The following TNS1 variants were observed in gnomAD, a reference collection of about 807,000 sequenced individuals.
TNS1 encodes the protein tensin-1.
TNS1 carries 62 observed loss-of-function variants against 168.6 expected under a neutral mutation model. The ratio of observed to expected loss-of-function variants is 0.37; its 90% CI spans 0.30 to 0.45. The LOEUF (loss-of-function observed/expected upper bound fraction) is 0.45, where lower values mean the gene tolerates loss of function less well. TNS1 is among the 20% of genes least tolerant of loss of function. The pLI, the probability that TNS1 is intolerant of heterozygous loss-of-function variation, is 1.00. For missense variants in TNS1, 2,240 were observed against 2,339.4 expected, an observed-to-expected ratio of 0.96 and a Z score of 0.88; for synonymous variants, 934 against 933.2, an observed-to-expected ratio of 1.00 and a Z score of -0.02.
At chr2:217,900,694 T>G in intron 6 of TNS1, 182 bp from the exon 7 acceptor site, 1 of 651,068 alleles carries the variant, frequency 1.5e-6, no homozygotes, top group South Asian at 1.8e-5. Flanking sequence ...TCAACACTGA[T>G]TCCACGTGAG....
In TNS1 at chr2:217,814,900, C is replaced by G; in HGVS notation, c.4729+12G>C. ...CTATGGCCTCTGATGCACCACAGAGCCCAGCACTCACCCTGCTCCCTGGAG... is the reference window on the plus strand; with the variant it reads ...CTATGGCCTCTGATGCACCACAGAGGCCAGCACTCACCCTGCTCCCTGGAG... On this transcript the variant is annotated intron_variant, in intron 25 of 32. Coordinates refer to ENST00000682258, the MANE Select transcript of TNS1 (RefSeq NM_001387777.1). The G allele has an allele frequency of 6.2e-7, 1 of 1,608,034 alleles. No individual in the cohort carries two copies. Among genetic ancestry groups the G allele is most frequent in the Non-Finnish European group, 8.5e-7 (1 of 1,175,880 alleles).
At chr2:217,815,652 G>A (rs956130509) in intron 24 of TNS1, among the ~76,000 whole-genome samples, 6 of 152,088 alleles carry the variant, frequency 3.9e-5, no homozygotes, top group South Asian at 2.1e-4. Flanking sequence ...CCTCCACCCC[G>A]TGTCCCCCTT....
Position 218,024,670 on chromosome 2 carries a change from A to G in TNS1, c.156+9150T>C, listed in dbSNP as rs541493616. On this transcript the variant is annotated intron_variant, in intron 1 of 1. Coordinates refer to the TNS1 transcript ENST00000649572. ...ACATCAGCCAGCCCAGGCCAGCCCC[A>G]GAGGACACCCAAGGTTATTGTCAGG... Among the ~76,000 whole-genome samples the G allele has an allele frequency of 4.7e-4, 72 of 152,276 alleles. 2 individuals carry two copies. In the South Asian group the frequency reaches 0.014, roughly 30 times the overall value.
intron 1 of TNS1, among the ~76,000 whole-genome samples, chr2:217,991,803 C>A (rs1248605011): frequency 6.6e-6 from 1 of 151,846 alleles, no homozygotes; most frequent in African/African-American, 2.4e-5. Flanking sequence ...CCTGCCCCAG[C>A]CCGGAAGGCT....
intron 3 of TNS1, among the ~76,000 whole-genome samples, chr2:217,958,510 T>A (rs1055480145): frequency 1.3e-5 from 2 of 152,220 alleles, no homozygotes; most frequent in African/African-American, 2.4e-5. Flanking sequence ...TAAATGATGA[T>A]GACAGTGGCT....
rs1958592520 is a variant in TNS1, at chr2:218,002,856, AG to A, written c.16del (p.Leu6CysfsTer20). The A allele has an allele frequency of 2.2e-6, 1 of 456,804 alleles. No homozygotes were observed. Among genetic ancestry groups the A allele is most frequent in the Non-Finnish European group, 4.4e-6 (1 of 226,994 alleles). 28.3% of individuals were successfully genotyped at this position (456,804 alleles called of 1,614,324 possible). Reference sequence around the variant, plus strand: ...CAGACCTACCCAGAGCATGCAGGACAGACAGATCCACGTCATCTTTGCTGGG... The same window carrying A: ...CAGACCTACCCAGAGCATGCAGGACAACAGATCCACGTCATCTTTGCTGGG... MTWIC[L>X]SCMLWPEDLE... is the part of the protein sequence containing the mutation. On this transcript the variant is annotated frameshift_variant, in exon 1 of 33. Coordinates refer to ENST00000682258, the MANE Select transcript of TNS1 (RefSeq NM_001387777.1). LOFTEE classifies it high-confidence loss of function.
chr2:218,002,514 G>A (rs1263285230), intron 1 of TNS1, among the ~76,000 whole-genome samples: 1 of 150,094 alleles, frequency 6.7e-6, no homozygotes, highest in African/African-American at 2.4e-5. Flanking sequence ...GATGCAAGTC[G>A]GGAGGAAAGG....
chr2:217,902,011 G>C (rs1356874958), intron 6 of TNS1: 1 of 152,294 alleles, frequency 6.6e-6, no homozygotes, highest in Non-Finnish European at 1.5e-5. Flanking sequence ...GGGGCTACTG[G>C]GGGGAAGTTT....
chr2:217,937,751 G>A (rs778613798), intron 3 of TNS1, among the ~76,000 whole-genome samples: 3 of 152,090 alleles, frequency 2.0e-5, no homozygotes, highest in African/African-American at 4.8e-5. Flanking sequence ...GAGGCCCAGC[G>A]AGAGAAGGGA....
rs574963226 is a variant in TNS1, at chr2:217,804,117, G to A, written c.*342C>T. ...CCCAAAAAATGTGGATTCCCAAGGA[G>A]GTTTGTTCCTTCTCTTTTGAGGACA... On this transcript the variant is annotated 3_prime_UTR_variant, in exon 33 of 33. Transcript: ENST00000682258. 1.0e-5 allele frequency: 2 copies of A among 200,678 alleles called. No homozygotes were observed. Among genetic ancestry groups the A allele is most frequent in the Admixed American group, 5.5e-5 (1 of 18,068 alleles). 12.4% of individuals were successfully genotyped at this position (200,678 alleles called of 1,614,324 possible). A position where few individuals can be genotyped will look rare whatever the true frequency, so the allele number is the denominator to read the frequency against.
At chr2:217,870,973 C>T (rs1179833640) in intron 18 of TNS1, among the ~76,000 whole-genome samples, 1 of 152,224 alleles carries the variant, frequency 6.6e-6, no homozygotes, top group Non-Finnish European at 1.5e-5. Context: ...GCCAGTGAGT[C>T]AGGAGAGGAC....
intron 1 of TNS1, among the ~76,000 whole-genome samples, chr2:217,998,355 C>T (rs534284524): frequency 3.3e-5 from 5 of 152,222 alleles, no homozygotes; most frequent in East Asian, 1.9e-4. Flanking sequence ...TGCACTGAAA[C>T]GAAATCATGT....
intron 19 of TNS1, among the ~76,000 whole-genome samples, chr2:217,847,273 GTAAATTT>G (rs1253929766): frequency 3.9e-5 from 6 of 152,238 alleles, no homozygotes; most frequent in Non-Finnish European, 8.8e-5. Context: ...TCACTAGACT[GTAAATTT>G]CTTGAGGGCA....
At chr2:217,953,092 G>A (rs1181526966) in intron 3 of TNS1, among the ~76,000 whole-genome samples, 1 of 152,242 alleles carries the variant, frequency 6.6e-6, no homozygotes, top group Non-Finnish European at 1.5e-5. Flanking sequence ...GGGGATGGAA[G>A]CAGGAGCCTC....
At chr2:217,951,882 G>A (rs1450872708) in intron 3 of TNS1, among the ~76,000 whole-genome samples, 7 of 152,214 alleles carry the variant, frequency 4.6e-5, no homozygotes, top group African/African-American at 1.7e-4. Flanking sequence ...GGTGCTCAGT[G>A]GTTCTTTCTC....
intron 1 of TNS1, among the ~76,000 whole-genome samples, chr2:218,008,418 G>C (rs1380360478): frequency 6.6e-6 from 1 of 152,226 alleles, no homozygotes; most frequent in Non-Finnish European, 1.5e-5. Flanking sequence ...TTGCTAAGCA[G>C]TCTGGGGTCC....
At chr2:217,877,350 G>A (rs1313521630) in intron 18 of TNS1, among the ~76,000 whole-genome samples, 1 of 152,170 alleles carries the variant, frequency 6.6e-6, no homozygotes, top group African/African-American at 2.4e-5. Context: ...GAGCTCCAAG[G>A]GAGGTAGAAA....
chr2:217,830,086 C>T, intron 22 of TNS1: 1 of 750,540 alleles, frequency 1.3e-6, no homozygotes, highest in South Asian at 6.0e-5. Flanking sequence ...AGAAGGACTC[C>T]AAGGGGAAGG....
At chr2:217,946,588 C>T (rs548940930) in intron 3 of TNS1, among the ~76,000 whole-genome samples, 1 of 152,252 alleles carries the variant, frequency 6.6e-6, no homozygotes, top group East Asian at 1.9e-4. Context: ...CAGGCAGAAA[C>T]ACAGGCTTTG....
Sources: gnomAD v4.1 joint callset for allele counts (sites outside exome capture counted in the v4.1 genomes callset) on GRCh38, gnomAD v4.1.1 for gene constraint, MANE v1.5 for transcripts, NCBI Gene and HGNC (gene_info 2026-07-23, HGNC 2026-07-21) for gene names.